PLCB1: variants seen among roughly 807,000 people sequenced by gnomAD.
PLCB1 encodes phospholipase C beta 1.
Under a neutral mutation model 161.8 loss-of-function variants are expected in PLCB1, and 46 were observed. The ratio of observed to expected loss-of-function variants is 0.28; its 90% confidence interval spans 0.22 to 0.36. The LOEUF (loss-of-function observed/expected upper bound fraction) is 0.36, where lower values mean the gene tolerates loss of function less well. Ranked by LOEUF, PLCB1 falls within the 10% of genes least tolerant of loss-of-function variation. PLCB1 has a pLI of 1.00. For synonymous variants in PLCB1, 517 were observed against 503.7 expected, an observed-to-expected ratio of 1.03 and a Z score of -0.35; for missense variants, 1,016 against 1,472.5, an observed-to-expected ratio of 0.69 and a Z score of 5.07.
intron 31 of PLCB1, among the ~76,000 whole-genome samples, chr20:8,860,413 CTG>C (rs977734619): frequency 4.6e-5 from 7 of 152,328 alleles, no homozygotes; most frequent in African/African-American, 1.7e-4. Context: ...ATTCAAAACA[CTG>C]TGCATATCAC....
chr20:8,178,746 C>A (rs542166537), intron 2 of PLCB1, among the ~76,000 whole-genome samples: 3 of 152,256 alleles, frequency 2.0e-5, no homozygotes, highest in African/African-American at 7.2e-5. Context: ...GGGTTTTCTT[C>A]AGGGGTATTT....
At position 8,492,176 on chromosome 20, in the gene PLCB1, A is replaced by AT. The variant is rs11477844; in HGVS notation, c.246+120738dup. 6.1e-4 allele frequency among the ~76,000 whole-genome samples: 90 copies of AT among 146,828 alleles called. 1 individual carries two copies. Among genetic ancestry groups the AT allele is most frequent in the South Asian group, 1.3e-3 (6 of 4,626 alleles). ...TTAATAAATGGTTGCTTTGCCAACC[A>AT]TTTTTTTTTTTTCAACCAGCCCCTC... On this transcript the variant is annotated intron_variant, in intron 3 of 31. Coordinates refer to ENST00000338037, the MANE Select transcript of PLCB1 (RefSeq NM_015192.4).
At position 8,732,148 on chromosome 20, in the gene PLCB1, C is replaced by T. The variant is rs182565054; in HGVS notation, c.1889-1090C>T. The T allele has an allele frequency of 2.4e-3, 372 of 152,036 alleles. 2 individuals are homozygous for T. Among genetic ancestry groups the T allele is most frequent in the African/African-American group, 8.0e-3 (334 of 41,510 alleles). 9.4% of individuals were successfully genotyped at this position (152,036 alleles called of 1,614,324 possible). ...TAACCTTTGTCCACTGGAAAAGAGT[C>T]TATGTAGAATTAGATGTTAATTGTA... On this transcript the variant is annotated intron_variant, in intron 18 of 31. Transcript: ENST00000338037.
intron 3 of PLCB1, among the ~76,000 whole-genome samples, chr20:8,587,085 G>A (rs547440775): frequency 2.6e-5 from 4 of 152,112 alleles, no homozygotes; most frequent in Admixed American, 6.6e-5. Context: ...CACCATAAAT[G>A]TTATTAGGTT....
intron 2 of PLCB1, among the ~76,000 whole-genome samples, chr20:8,322,125 C>T (rs1984947103): frequency 6.6e-6 from 1 of 152,006 alleles, no homozygotes; most frequent in African/African-American, 2.4e-5. Context: ...ACAATGGTTG[C>T]CTATTTATTA....
intron 2 of PLCB1, among the ~76,000 whole-genome samples, chr20:8,272,960 T>C (rs1481824248): frequency 6.6e-6 from 1 of 152,166 alleles, no homozygotes; most frequent in Non-Finnish European, 1.5e-5. Flanking sequence ...AGCACATGTA[T>C]GTATGACTTC....
chr20:8,755,251 A>C (rs1029497445), intron 23 of PLCB1, among the ~76,000 whole-genome samples: 11 of 152,216 alleles, frequency 7.2e-5, no homozygotes, highest in African/African-American at 2.7e-4. Context: ...GCCACTGGTG[A>C]CAATCAGTGT....
In PLCB1 at chr20:8,788,639, G is replaced by C; in HGVS notation, c.3195G>C (p.Lys1065Asn). ...ACTTCCATTGTGACTTCAGAGAAAA[G>C]AAAGAATTAAAGAAGAAAATGGATA... ...KKLKEICEKE[K>N]KELKKKMDKK... The change falls in exon 29 of 32, where the codon AAG becomes AAC. Residue 1065 changes from lysine to asparagine, a missense_variant. Physicochemically the swap from Lys to Asn is moderately conservative, Grantham distance 94. This residue lies in a region of PLCB1 where 398 missense variants were observed against 445.4 expected (regional missense o/e 0.89). Transcript: ENST00000338037. 3 of 1,606,976 alleles carry C rather than the reference G, an allele frequency of 1.9e-6. No homozygotes were observed. The highest frequency in any genetic ancestry group is 2.5e-6 in the Non-Finnish European group (3 of 1,176,634).
intron 31 of PLCB1, among the ~76,000 whole-genome samples, chr20:8,875,819 A>G (rs1987760722): frequency 6.6e-6 from 1 of 151,998 alleles, no homozygotes. Flanking sequence ...TTTATGCCAC[A>G]TTTATGTTAT....
chr20:8,496,058 T>G (rs1983158132), intron 3 of PLCB1, among the ~76,000 whole-genome samples: 1 of 152,204 alleles, frequency 6.6e-6, no homozygotes, highest in African/African-American at 2.4e-5. Context: ...TCTTTGTAGC[T>G]TAATCTCCAG....
intron 2 of PLCB1, among the ~76,000 whole-genome samples, chr20:8,341,159 C>T (rs1403881314): frequency 6.6e-6 from 1 of 152,150 alleles, no homozygotes; most frequent in Non-Finnish European, 1.5e-5. Context: ...TCACATTACC[C>T]CTCTCTGGTT....
intron 15 of PLCB1, among the ~76,000 whole-genome samples, chr20:8,723,233 G>A (rs992502564): frequency 1.3e-5 from 2 of 152,024 alleles, no homozygotes; most frequent in Non-Finnish European, 2.9e-5. Flanking sequence ...TGATTTCCAG[G>A]AGGAAAACAG....
chr20:8,524,217 G>A (rs1218173210), intron 3 of PLCB1, among the ~76,000 whole-genome samples: 1 of 152,038 alleles, frequency 6.6e-6, no homozygotes, highest in African/African-American at 2.4e-5. Context: ...TAGAGAAGAT[G>A]CTTGAAGAAA....
chr20:8,730,416 A>AT (rs1269720445), intron 18 of PLCB1, among the ~76,000 whole-genome samples: 2 of 151,366 alleles, frequency 1.3e-5, no homozygotes, highest in Non-Finnish European at 3.0e-5. Context: ...ATTCAGACCC[A>AT]TTTTTTCACT....
chr20:8,782,694 TAGTTC>T (rs1242361365), intron 27 of PLCB1, among the ~76,000 whole-genome samples: 6 of 146,428 alleles, frequency 4.1e-5, no homozygotes, highest in Admixed American at 4.1e-4. Flanking sequence ...GATCATTACT[TAGTTC>T]AGATGTTTTG....
At chr20:8,642,121 G>A (rs923115000) in intron 4 of PLCB1, among the ~76,000 whole-genome samples, 5 of 152,008 alleles carry the variant, frequency 3.3e-5, no homozygotes, top group African/African-American at 7.3e-5. Flanking sequence ...GTCCTAATAT[G>A]TTTCCTAGCT....
chr20:8,320,670 G>T (rs1443173034), intron 2 of PLCB1, among the ~76,000 whole-genome samples: 1 of 152,046 alleles, frequency 6.6e-6, no homozygotes, highest in Non-Finnish European at 1.5e-5. Flanking sequence ...ATCCTTCTCT[G>T]GCTTTGTCTT....
intron 3 of PLCB1, among the ~76,000 whole-genome samples, chr20:8,514,975 G>A (rs1466142309): frequency 6.6e-6 from 1 of 152,120 alleles, no homozygotes; most frequent in African/African-American, 2.4e-5. Flanking sequence ...AATGCTACTG[G>A]CCTACACACT....
At chr20:8,726,393 A>G (rs1023231158) in intron 16 of PLCB1, among the ~76,000 whole-genome samples, 16 of 151,978 alleles carry the variant, frequency 1.1e-4, no homozygotes, top group African/African-American at 3.9e-4. Context: ...TTTATACTTT[A>G]TTAGTCCATT....
Sources: allele counts gnomAD v4.1 joint callset (sites outside exome capture counted in the v4.1 genomes callset), GRCh38; gene constraint gnomAD v4.1.1; regional missense constraint gnomAD v4.1.1; transcripts MANE v1.5; gene names NCBI Gene and HGNC (gene_info 2026-07-23, HGNC 2026-07-21).